PARD3B: variants seen among roughly 807,000 people sequenced by gnomAD.
PARD3B encodes partitioning defective 3 homolog B.
PARD3B carries 103 observed loss-of-function variants against 130.2 expected under a neutral mutation model. The observed-to-expected ratio is 0.79, with a 90% CI of 0.67 to 0.93. The LOEUF is 0.93. PARD3B is among the 40% of genes least tolerant of loss of function. The pLI is 0.00. For missense variants in PARD3B, 1,609 were observed against 1,499.2 expected (o/e 1.07, Z -1.21); for synonymous variants, 583 against 553.2 (o/e 1.05, Z -0.76).
chr2:205,072,981 A>T (rs1700832687), intron 4 of PARD3B, among the ~76,000 whole-genome samples: 1 of 152,162 alleles, frequency 6.6e-6, no homozygotes, highest in African/African-American at 2.4e-5. Context: ...TTTCAGAGGG[A>T]TTAAGTGATT....
At chr2:205,540,478 C>A (rs1193627514) in intron 21 of PARD3B, among the ~76,000 whole-genome samples, 2 of 152,094 alleles carry the variant, frequency 1.3e-5, no homozygotes, top group Admixed American at 6.6e-5. Flanking sequence ...GGTATAAATT[C>A]ATATGGTTCA....
intron 21 of PARD3B, among the ~76,000 whole-genome samples, chr2:205,509,556 C>T (rs1464895116): frequency 1.3e-5 from 2 of 152,160 alleles, no homozygotes; most frequent in African/African-American, 4.8e-5. Flanking sequence ...TTACCATTCT[C>T]AGTACAGATA....
At chr2:205,143,182 G>A (rs1559480917) in intron 10 of PARD3B, among the ~76,000 whole-genome samples, 1 of 152,092 alleles carries the variant, frequency 6.6e-6, no homozygotes, top group East Asian at 1.9e-4. Flanking sequence ...CATGAAATGT[G>A]TTTTTTTCCT....
At chr2:205,379,610 T>C (rs147838841) in intron 18 of PARD3B, among the ~76,000 whole-genome samples, 2,272 of 152,254 alleles carry the variant, frequency 0.015, 26 homozygotes, top group Non-Finnish European at 0.021. Context: ...CCCACACTCT[T>C]TAGCAAAATT....
intron 21 of PARD3B, among the ~76,000 whole-genome samples, chr2:205,537,724 C>T (rs1415435563): frequency 2.0e-5 from 3 of 152,226 alleles, no homozygotes; most frequent in South Asian, 2.1e-4. Flanking sequence ...ATTCTCTCCT[C>T]ATCCAGTCAC....
chr2:205,615,410 G>A (rs755279957), intron 22 of PARD3B, 46 bp from the exon 23 acceptor site: 34 of 1,495,602 alleles, frequency 2.3e-5, no homozygotes, highest in South Asian at 1.3e-5. Flanking sequence ...CCAGCCGGAC[G>A]GCCAGCTTAG....
At chr2:204,650,225 G>C (rs1473451971) in intron 1 of PARD3B, among the ~76,000 whole-genome samples, 1 of 152,082 alleles carries the variant, frequency 6.6e-6, no homozygotes. Flanking sequence ...CATCCAAATG[G>C]CTATTATTAA....
chr2:205,208,413 AAGAGG>A (rs1336573546), intron 15 of PARD3B, among the ~76,000 whole-genome samples: 2 of 141,660 alleles, frequency 1.4e-5, no homozygotes, highest in African/African-American at 5.6e-5. Flanking sequence ...CAATTAGGAA[AAGAGG>A]AAGTCAAATT....
At chr2:205,193,084 A>C (rs2036481245) in intron 14 of PARD3B, 121 bp from the exon 15 acceptor site, 1 of 618,294 alleles carries the variant, frequency 1.6e-6, no homozygotes, top group African/African-American at 1.9e-5. Context: ...AATTAGTTGA[A>C]AATATGTGGT....
rs1303370144 is a variant in PARD3B at position 205,397,271 on chromosome 2, A to C, written c.2631-3742A>C. ...CTCTGGCTAATAAAATAAATTTCAC[A>C]TGTATTTCTGCCCTTCTTATTGGAA... On this transcript the variant is annotated intron_variant, in intron 18 of 22. Transcript: ENST00000406610. This position sits in a 1 kb window ranked among gnomAD's most constrained non-coding sequence, Gnocchi z 4.8. Among the ~76,000 whole-genome samples the C allele has an allele frequency of 2.6e-5, 4 of 152,198 alleles. No homozygotes were observed. Among genetic ancestry groups the C allele is most frequent in the African/African-American group, 9.6e-5 (4 of 41,462 alleles).
intron 18 of PARD3B, among the ~76,000 whole-genome samples, chr2:205,336,005 T>C (rs2043302477): frequency 6.6e-6 from 1 of 152,144 alleles, no homozygotes; most frequent in African/African-American, 2.4e-5. Context: ...CAAGATGACA[T>C]TTGGGTGGGG....
intron 2 of PARD3B, among the ~76,000 whole-genome samples, chr2:204,884,840 CA>C (rs1417113499): frequency 6.6e-6 from 1 of 152,190 alleles, no homozygotes; most frequent in African/African-American, 2.4e-5. Context: ...CATAGTATTC[CA>C]TGGTATATAT....
At position 205,132,912 on chromosome 2, in the gene PARD3B, G is replaced by C. The variant is rs141624062; in HGVS notation, c.1434+7175G>C. ...CCTAGAGCATAGTGTATGCTCAGTG[G>C]ATATTTGTTGACTGAATGAATGAAA... On this transcript the variant is annotated intron_variant, in intron 10 of 22. Transcript: ENST00000406610. 3.3e-5 allele frequency among the ~76,000 whole-genome samples: 5 copies of C among 152,172 alleles called. No homozygotes were observed. The East Asian group carries it at 9.7e-4, about 29-fold the overall frequency.
In PARD3B at chr2:204,995,506, C is replaced by T. The variant is rs1226863943; in HGVS notation, c.394+30183C>T. Among the ~76,000 whole-genome samples the T allele has an allele frequency of 3.2e-4, 48 of 148,534 alleles. No homozygotes were observed. In the East Asian group the frequency reaches 9.3e-3, roughly 29 times the overall value. The stretch of plus-strand genomic sequence containing the variant: ...TAACCCGACCTTTCTCTCTGACTGC[C>T]CTTAACATTTTTTCCTTCATTTCAA... On this transcript the variant is annotated intron_variant, in intron 3 of 22. Coordinates refer to ENST00000406610, the MANE Select transcript of PARD3B (RefSeq NM_001302769.2).
At chr2:205,502,649 G>A (rs896643237) in intron 21 of PARD3B, among the ~76,000 whole-genome samples, 2 of 152,018 alleles carry the variant, frequency 1.3e-5, no homozygotes, top group Admixed American at 6.6e-5. Flanking sequence ...GAACTATGGA[G>A]AAGGAAATTA....
At chr2:205,273,521 C>A (rs556079556) in intron 16 of PARD3B, among the ~76,000 whole-genome samples, 1 of 152,266 alleles carries the variant, frequency 6.6e-6, no homozygotes, top group Admixed American at 6.5e-5. Flanking sequence ...AGGCAGCTAT[C>A]TAAAGGAGCA....
chr2:204,878,422 G>A (rs2045924998), intron 2 of PARD3B, among the ~76,000 whole-genome samples: 1 of 152,044 alleles, frequency 6.6e-6, no homozygotes, highest in African/African-American at 2.4e-5. Flanking sequence ...CAATGATTTT[G>A]AACTGTAGAG....
chr2:204,703,888 A>T (rs1468144812), intron 2 of PARD3B, among the ~76,000 whole-genome samples: 1 of 152,172 alleles, frequency 6.6e-6, no homozygotes, highest in Admixed American at 6.6e-5. Context: ...ATTTTTTTTT[A>T]AAGTTTTCTT....
chr2:204,600,746 A>G (rs1489343908), intron 1 of PARD3B, among the ~76,000 whole-genome samples: 1 of 151,834 alleles, frequency 6.6e-6, no homozygotes, highest in African/African-American at 2.4e-5. Flanking sequence ...TCTCATTCAC[A>G]TTTCATGCTT....
Sources: allele counts gnomAD v4.1 joint callset (sites outside exome capture counted in the v4.1 genomes callset), GRCh38; gene constraint gnomAD v4.1.1; non-coding constraint Gnocchi (gnomAD v3.1); transcripts MANE v1.5; gene names NCBI Gene and HGNC (gene_info 2026-07-23, HGNC 2026-07-21).